The following PSD3 variants were observed in gnomAD, a reference collection of about 807,000 sequenced individuals.
PSD3 encodes the protein pleckstrin and Sec7 domain containing 3.
Under a neutral mutation model 105.5 loss-of-function variants are expected in PSD3, and 49 were observed. The observed-to-expected ratio is 0.46, with a 90% CI of 0.37 to 0.59. The LOEUF (loss-of-function observed/expected upper bound fraction) is 0.59. Among genes scored for constraint, PSD3 ranks in the 20% least tolerant of loss-of-function variants. PSD3 has a pLI of 0.00. For missense variants in PSD3, 1,561 were observed against 1,263.8 expected (o/e 1.24, Z -3.57); for synonymous variants, 557 against 457.8 (o/e 1.22, Z -2.77).
chr8:18,638,445 G>T (rs186906012), intron 10 of PSD3, among the ~76,000 whole-genome samples: 6 of 151,830 alleles, frequency 4.0e-5, no homozygotes, highest in Non-Finnish European at 8.8e-5. Flanking sequence ...TAAAGTTTTA[G>T]ATTAAAAAAC....
chr8:18,719,170 T>C (rs201925848), intron 9 of PSD3, among the ~76,000 whole-genome samples: 2 of 152,138 alleles, frequency 1.3e-5, no homozygotes, highest in East Asian at 3.9e-4. Flanking sequence ...AATAAACGAG[T>C]GTCTAGAAGG....
chr8:18,925,808 C>T (rs1358304225), intron 2 of PSD3, among the ~76,000 whole-genome samples: 2 of 152,144 alleles, frequency 1.3e-5, no homozygotes, highest in African/African-American at 4.8e-5. Flanking sequence ...AGAAAGCCTC[C>T]TCATCCTTAG....
chr8:18,670,615 C>A (rs1799732392), intron 9 of PSD3, among the ~76,000 whole-genome samples: 1 of 152,062 alleles, frequency 6.6e-6, no homozygotes, highest in Non-Finnish European at 1.5e-5. Flanking sequence ...AAATAAAAAA[C>A]TGGGTACAAC....
intron 9 of PSD3, among the ~76,000 whole-genome samples, chr8:18,732,365 G>T (rs1803824372): frequency 6.6e-6 from 1 of 152,224 alleles, no homozygotes; most frequent in Admixed American, 6.5e-5. Flanking sequence ...GTAATCTATT[G>T]CTCTGTAACA....
At chr8:18,970,969 A>G (rs1824613544) in intron 1 of PSD3, among the ~76,000 whole-genome samples, 1 of 148,252 alleles carries the variant, frequency 6.7e-6, no homozygotes, top group South Asian at 2.1e-4. Flanking sequence ...AAAGAGCGAG[A>G]CTCTGTCTCA....
chr8:18,539,532 T>G (rs1328990616), intron 15 of PSD3, among the ~76,000 whole-genome samples: 1 of 151,708 alleles, frequency 6.6e-6, no homozygotes, highest in Non-Finnish European at 1.5e-5. Flanking sequence ...CAGCAAGAAG[T>G]ATATTAGTAA....
intron 9 of PSD3, among the ~76,000 whole-genome samples, chr8:18,735,865 TA>T (rs1180848267): frequency 1.3e-5 from 2 of 152,152 alleles, no homozygotes; most frequent in Admixed American, 6.5e-5. Context: ...ATAGTAAAAT[TA>T]AGTTTTAGGA....
At chr8:18,875,255 C>G (rs1817653500) in intron 2 of PSD3, among the ~76,000 whole-genome samples, 1 of 152,128 alleles carries the variant, frequency 6.6e-6, no homozygotes, top group African/African-American at 2.4e-5. Flanking sequence ...TTGATGGAAT[C>G]TAACAAGCAC....
intron 1 of PSD3, among the ~76,000 whole-genome samples, chr8:19,071,779 G>T (rs990429559): frequency 2.0e-5 from 3 of 152,096 alleles, no homozygotes; most frequent in Non-Finnish European, 4.4e-5. Flanking sequence ...GGAGTGCAAT[G>T]GCTCACTGCA....
intron 4 of PSD3, among the ~76,000 whole-genome samples, chr8:18,814,864 T>C (rs963040482): frequency 7.9e-5 from 12 of 152,204 alleles, no homozygotes; most frequent in Non-Finnish European, 1.8e-4. Context: ...TGAATTAGTA[T>C]CAGTGTATAT....
intron 1 of PSD3, among the ~76,000 whole-genome samples, chr8:19,048,086 G>A (rs1399178463): frequency 6.6e-6 from 1 of 152,174 alleles, no homozygotes; most frequent in Admixed American, 6.6e-5. Flanking sequence ...CAAAGAGCCA[G>A]GGCAGACAGT....
intron 9 of PSD3, among the ~76,000 whole-genome samples, chr8:18,723,705 T>C (rs1180699329): frequency 6.6e-6 from 1 of 152,196 alleles, no homozygotes; most frequent in Non-Finnish European, 1.5e-5. Flanking sequence ...CACTGGTAAG[T>C]ATAAACATAG....
At chr8:18,689,613 A>T (rs962201549) in intron 9 of PSD3, among the ~76,000 whole-genome samples, 1 of 152,190 alleles carries the variant, frequency 6.6e-6, no homozygotes, top group Non-Finnish European at 1.5e-5. Flanking sequence ...CACTCAGTTA[A>T]TTCAAAAGGC....
intron 12 of PSD3, among the ~76,000 whole-genome samples, chr8:18,585,377 A>G (rs908524922): frequency 2.0e-5 from 3 of 152,066 alleles, no homozygotes; most frequent in Non-Finnish European, 4.4e-5. Context: ...GAGTGCAATG[A>G]CCCAATCTTG....
intron 11 of PSD3, among the ~76,000 whole-genome samples, chr8:18,607,971 G>C (rs984032519): frequency 2.0e-5 from 3 of 152,152 alleles, no homozygotes; most frequent in African/African-American, 7.2e-5. Flanking sequence ...ATTATCATGA[G>C]AACAGCATGA....
At chr8:18,699,735 G>C (rs17696010) in intron 9 of PSD3, among the ~76,000 whole-genome samples, 2,015 of 149,470 alleles carry the variant, frequency 0.013, 42 homozygotes, top group African/African-American at 0.042. Context: ...GATAGGCATG[G>C]TAGGCTATAG....
chr8:18,662,498 A>G (rs1442852543), intron 9 of PSD3, among the ~76,000 whole-genome samples: 1 of 152,238 alleles, frequency 6.6e-6, no homozygotes, highest in East Asian at 1.9e-4. Context: ...TCTTGAGAGA[A>G]AGATTTGATA....
chr8:18,627,607 G>C (rs1276868728), intron 11 of PSD3, among the ~76,000 whole-genome samples: 2 of 151,978 alleles, frequency 1.3e-5, no homozygotes, highest in African/African-American at 4.8e-5. Flanking sequence ...ATAAGTCCCA[G>C]AATAAAGACT....
At chr8:18,820,730 G>A (rs984643011) in intron 4 of PSD3, among the ~76,000 whole-genome samples, 4 of 152,118 alleles carry the variant, frequency 2.6e-5, no homozygotes, top group African/African-American at 9.7e-5. Context: ...TCTGCTGTAT[G>A]CAGTTGCCTT....
Sources: allele counts gnomAD v4.1 joint callset (sites outside exome capture counted in the v4.1 genomes callset), GRCh38; gene constraint gnomAD v4.1.1; transcripts MANE v1.5; gene names NCBI Gene and HGNC (gene_info 2026-07-23, HGNC 2026-07-21).